STK24: variants seen among roughly 807,000 people sequenced by gnomAD.
The protein encoded by STK24 is serine/threonine-protein kinase 24.
Under a neutral mutation model 55.6 loss-of-function variants are expected in STK24, and 21 were observed. The ratio of observed to expected loss-of-function variants is 0.38; its 90% CI spans 0.27 to 0.54. The LOEUF (loss-of-function observed/expected upper bound fraction) is 0.54. Among genes scored for constraint, STK24 ranks in the 20% least tolerant of loss-of-function variants. The pLI is 0.79. For missense variants in STK24, 383 were observed against 538.4 expected, an observed-to-expected ratio of 0.71 and a Z score of 2.86; for synonymous variants, 200 against 215.2, an observed-to-expected ratio of 0.93 and a Z score of 0.62.
At chr13:98,538,061 C>T (rs751023568) in intron 1 of STK24, among the ~76,000 whole-genome samples, 90 of 152,108 alleles carry the variant, frequency 5.9e-4, no homozygotes, top group Non-Finnish European at 7.2e-4. Context: ...TCACAACAGA[C>T]ACCTGCTTTC....
rs747475529 is a variant in STK24, at chr13:98,446,248, G to A, written c.*6925C>T. 2.2e-6 allele frequency: 3 copies of A among 1,367,154 alleles called. No homozygotes were observed. Among genetic ancestry groups the A allele is most frequent in the South Asian group, 2.4e-5 (2 of 84,320 alleles). 84.7% of individuals were successfully genotyped at this position (1,367,154 alleles called of 1,614,324 possible). On this transcript the variant is annotated 3_prime_UTR_variant, in exon 11 of 11. Coordinates refer to ENST00000539966, the MANE Select transcript of STK24 (RefSeq NM_001032296.4). ...GGCAGGTGGCCCTGGGACCTTGGGG[G>A]TGGCAGCATGAGGTGAGGGGGCCGC...
chr13:98,536,855 T>TCCTCCGCCTGTCCTCCAGCCGCCCA (rs1566393098), intron 1 of STK24, among the ~76,000 whole-genome samples: 53 of 151,004 alleles, frequency 3.5e-4, no homozygotes, highest in South Asian at 2.1e-3. Flanking sequence ...GCTGTCCGGC[T>TCCTCCGCCTGTCCTCCAGCCGCCCA]GCCACACTCC....
intron 2 of STK24, among the ~76,000 whole-genome samples, chr13:98,505,826 T>C (rs1157538211): frequency 2.0e-5 from 3 of 152,328 alleles, no homozygotes; most frequent in African/African-American, 7.2e-5. Context: ...AAAATCTGCT[T>C]TTCCCGGGAC....
intron 1 of STK24, among the ~76,000 whole-genome samples, chr13:98,573,500 G>C (rs1388353280): frequency 6.6e-6 from 1 of 151,860 alleles, no homozygotes. Flanking sequence ...TATAAAACTG[G>C]GGTTTAAGAG....
In STK24 at chr13:98,476,241, C is replaced by CCG. The variant is rs1555303359; in HGVS notation, c.331-884_331-883insCG. 9.1e-5 allele frequency among the ~76,000 whole-genome samples: 4 copies of CCG among 44,112 alleles called. No homozygotes were observed. In the East Asian group the frequency reaches 1.5e-3, roughly 17 times the overall value. The allele number at this position is 44,112 out of a possible 152,430, so 28.9% of individuals were successfully genotyped here. A position where few individuals can be genotyped will look rare whatever the true frequency, so the allele number is the denominator to read the frequency against. ...GGCTCACTTCAAACCAGACGGGAAGCCCCCCCCCGCCCCCTGCAGAGTGGG... is the reference window on the plus strand; with the variant it reads ...GGCTCACTTCAAACCAGACGGGAAGCCGCCCCCCCCGCCCCCTGCAGAGTGGG... On this transcript the variant is annotated intron_variant, in intron 3 of 10. Coordinates refer to ENST00000539966, the MANE Select transcript of STK24 (RefSeq NM_001032296.4).
At chr13:98,514,550 T>C (rs1206594507) in intron 2 of STK24, among the ~76,000 whole-genome samples, 1 of 152,212 alleles carries the variant, frequency 6.6e-6, no homozygotes, top group Non-Finnish European at 1.5e-5. Context: ...TGGGTCAAAC[T>C]ACTCAGAAAA....
intron 1 of STK24, among the ~76,000 whole-genome samples, chr13:98,525,303 A>C (rs1454656133): frequency 6.6e-6 from 1 of 152,268 alleles, no homozygotes; most frequent in Non-Finnish European, 1.5e-5. Flanking sequence ...CAGATTGGAA[A>C]GGCCTGGGGC....
chr13:98,503,024 G>GTGGTTTTTTTTTTTTTTT (rs1555306356), intron 2 of STK24, among the ~76,000 whole-genome samples: 1 of 107,084 alleles, frequency 9.3e-6, no homozygotes, highest in African/African-American at 4.0e-5. Context: ...CTTTCCATGT[G>GTGGTTTTTTTTTTTTTTT]TTTTTTTTTT....
rs576051513 is a variant in STK24, at chr13:98,492,511, G to C, written c.274-10190C>G. The stretch of plus-strand genomic sequence containing the variant: ...CTCGAATACCACCGGCCCACCCCTA[G>C]CAATCCTCAGGATTTGCTCCGCACA... On this transcript the variant is annotated intron_variant, in intron 2 of 10. Coordinates refer to ENST00000539966, the MANE Select transcript of STK24 (RefSeq NM_001032296.4). Among the ~76,000 whole-genome samples, 6 of 152,300 alleles carry C rather than the reference G, an allele frequency of 3.9e-5. No individual in the cohort carries two copies. The South Asian group carries it at 1.0e-3, about 26-fold the overall frequency.
intron 3 of STK24, among the ~76,000 whole-genome samples, chr13:98,481,298 A>G (rs939693898): frequency 6.6e-6 from 1 of 152,220 alleles, no homozygotes; most frequent in Non-Finnish European, 1.5e-5. Context: ...GTTTTACACA[A>G]GCAAATCACA....
chr13:98,573,743 T>C lies in STK24; in HGVS notation c.42+3002A>G, dbSNP rs373830881. Among the ~76,000 whole-genome samples, 17 of 152,354 alleles carry C rather than the reference T, an allele frequency of 1.1e-4. 1 individual carries two copies. Among genetic ancestry groups the C allele is most frequent in the African/African-American group, 3.8e-4 (16 of 41,586 alleles). ...AAAAGTAACCATAAAACAGTAACAC[T>C]GCATGATGAGTGGGAGTAGGAGGAG... On this transcript the variant is annotated intron_variant, in intron 1 of 10. Transcript: ENST00000539966.
At chr13:98,550,356 TA>T (rs1897129676) in intron 1 of STK24, among the ~76,000 whole-genome samples, 1 of 152,042 alleles carries the variant, frequency 6.6e-6, no homozygotes, top group South Asian at 2.1e-4. Flanking sequence ...CTGAGCAACA[TA>T]GGGGGAACCT....
At chr13:98,530,909 C>A (rs1896563347) in intron 1 of STK24, among the ~76,000 whole-genome samples, 1 of 152,192 alleles carries the variant, frequency 6.6e-6, no homozygotes, top group African/African-American at 2.4e-5. Flanking sequence ...TAACTCTTAA[C>A]TGAGAATATA....
At chr13:98,573,981 G>A (rs1008554231) in intron 1 of STK24, among the ~76,000 whole-genome samples, 2 of 152,040 alleles carry the variant, frequency 1.3e-5, no homozygotes, top group African/African-American at 2.4e-5. Flanking sequence ...TCCTTGCCTA[G>A]GCCACCTGAA....
rs34402542 is a variant in STK24, at chr13:98,515,591, G to GA, written c.273+3651dup. Among the ~76,000 whole-genome samples the GA allele has an allele frequency of 3.4e-4, 52 of 151,608 alleles. 2 individuals carry two copies. The highest frequency in any genetic ancestry group is 9.4e-4 in the African/African-American group (39 of 41,358). The stretch of plus-strand genomic sequence containing the variant: ...TAGCCCTTGTTTTCAATCTTTAGGG[G>GA]AAAAAAAATGCTACAAAGCAATTTT... On this transcript the variant is annotated intron_variant, in intron 2 of 10. Coordinates refer to ENST00000539966, the MANE Select transcript of STK24 (RefSeq NM_001032296.4).
In STK24 at chr13:98,475,164, G is replaced by GC. The variant is rs571406731; in HGVS notation, c.439+85dup. 4.7e-3 allele frequency: 6,567 copies of GC among 1,406,440 alleles called. 49 individuals carry two copies. The highest frequency in any genetic ancestry group is 4.7e-3 in the Non-Finnish European group (4,785 of 1,025,348). The allele number at this position is 1,406,440 out of a possible 1,614,324, so 87.1% of individuals were successfully genotyped here. On this transcript the variant is annotated intron_variant, in intron 4 of 10. Coordinates refer to ENST00000539966, the MANE Select transcript of STK24 (RefSeq NM_001032296.4). ...AGGCAAACGTGCAGGACAAATGGGC[G>GC]CCAGCACCTTCCCTTGAGAAGTCTT... is the stretch of plus-strand genomic sequence containing the variant.
intron 1 of STK24, among the ~76,000 whole-genome samples, chr13:98,565,545 T>C (rs567260929): frequency 3.3e-5 from 5 of 151,600 alleles, no homozygotes; most frequent in East Asian, 3.9e-4. Flanking sequence ...GGCAGGAGAA[T>C]TGCTTGAACC....
intron 3 of STK24, among the ~76,000 whole-genome samples, chr13:98,478,923 A>T (rs1894484575): frequency 6.6e-6 from 1 of 152,174 alleles, no homozygotes; most frequent in African/African-American, 2.4e-5. Context: ...GTAAGGAAGG[A>T]ACCTTCTAAC....
intron 1 of STK24, among the ~76,000 whole-genome samples, chr13:98,569,865 A>AC (rs1361099633): frequency 0.014 from 2,019 of 148,476 alleles, 54 homozygotes; most frequent in African/African-American, 0.046. Context: ...AAAAAAAAAA[A>AC]CACAGGCAGA....
Sources: gnomAD v4.1 joint callset for allele counts (sites outside exome capture counted in the v4.1 genomes callset) on GRCh38, gnomAD v4.1.1 for gene constraint, MANE v1.5 for transcripts, NCBI Gene and HGNC (gene_info 2026-07-23, HGNC 2026-07-21) for gene names.